Variants in UBR4 observed in about 807,000 individuals in gnomAD.
The protein encoded by UBR4 is E3 ubiquitin-protein ligase UBR4.
A neutral mutation model predicts 575.6 loss-of-function variants in UBR4; 124 were observed. The observed-to-expected ratio is 0.22, with a 90% CI of 0.19 to 0.25. The LOEUF is 0.25. UBR4 is among the 10% of genes least tolerant of loss of function. UBR4 has a pLI of 1.00. For missense variants in UBR4, 4,818 were observed against 6,478.8 expected (o/e 0.74, Z 8.80); for synonymous variants, 2,455 against 2,473.7 (o/e 0.99, Z 0.22).
At position 19,074,822 on chromosome 1, in the gene UBR4, T is replaced by C; in HGVS notation, c.*10A>G. 1 of 1,613,998 alleles carries C rather than the reference T, an allele frequency of 6.2e-7. No homozygotes were observed. The highest frequency in any genetic ancestry group is 8.5e-7 in the Non-Finnish European group (1 of 1,179,988). On this transcript the variant is annotated 3_prime_UTR_variant, in exon 106 of 106. Transcript: ENST00000375254. ...GCTTCGTCTTCGCCGCCGCAGCTGC[T>C]GTGTGGTGGTCAGGGGACTGAGTTC...
intron 9 of UBR4, 74 bp downstream of exon 9, chr1:19,193,359 G>A (rs2151477685): frequency 6.4e-7 from 1 of 1,559,324 alleles, no homozygotes. Context: ...CTTCTATCAT[G>A]GAAGAAAGTG....
intron 64 of UBR4, among the ~76,000 whole-genome samples, chr1:19,124,999 A>G (rs1013201407): frequency 6.6e-6 from 1 of 152,162 alleles, no homozygotes; most frequent in African/African-American, 2.4e-5. Flanking sequence ...AGTGCTAGAA[A>G]GGCCAAAAAA....
intron 92 of UBR4, among the ~76,000 whole-genome samples, chr1:19,096,277 T>C (rs1467094451): frequency 6.6e-6 from 1 of 152,122 alleles, no homozygotes; most frequent in Non-Finnish European, 1.5e-5. Context: ...GTGCAGCTAT[T>C]TGGGGAAAGA....
intron 60 of UBR4, among the ~76,000 whole-genome samples, chr1:19,132,287 T>G (rs1305796870): frequency 6.6e-6 from 1 of 152,012 alleles, no homozygotes; most frequent in African/African-American, 2.4e-5. Flanking sequence ...ATTCAAGTGA[T>G]TCTCCTATCT....
chr1:19,157,742 GTCA>G lies in UBR4; in HGVS notation c.5760+70_5760+72del. The G allele has an allele frequency of 3.2e-6, 5 of 1,550,760 alleles. No individual in the cohort carries two copies. In the South Asian group the frequency reaches 6.1e-5, roughly 19 times the overall value. ...CCCACAGAGGGCTAATCCGAATGTG[GTCA>G]TCAATTTGTTTTGCTTAGCATTTAA... On this transcript the variant is annotated intron_variant, in intron 40 of 105. Coordinates refer to ENST00000375254, the MANE Select transcript of UBR4 (RefSeq NM_020765.3). The surrounding 1 kb of genome is among the most constrained non-coding windows in gnomAD (Gnocchi z 4.4).
At chr1:19,173,389 G>A in intron 23 of UBR4, 50 bp downstream of exon 23, 1 of 1,612,506 alleles carries the variant, frequency 6.2e-7, no homozygotes, top group Non-Finnish European at 8.5e-7. Flanking sequence ...GCTCCAGTAA[G>A]CACAAAGCAC....
chr1:19,114,576 G>C (rs1215454665), intron 75 of UBR4, among the ~76,000 whole-genome samples: 1 of 152,216 alleles, frequency 6.6e-6, no homozygotes, highest in Admixed American at 6.5e-5. Context: ...TCTGTACCTG[G>C]AGATACTCTA....
In UBR4 at chr1:19,106,730, C is replaced by T. The variant is rs1184441101; in HGVS notation, c.12236-4G>A. The T allele has an allele frequency of 1.3e-6, 2 of 1,597,462 alleles. No homozygotes were observed. Among genetic ancestry groups the T allele is most frequent in the East Asian group, 2.2e-5 (1 of 44,708 alleles). Reference sequence around the variant, plus strand: ...GCTTTCCCATTGCCATCTATCCCTGCAAGGCCAAGGGTTGCAGGGGTAGTA... The same window carrying T: ...GCTTTCCCATTGCCATCTATCCCTGTAAGGCCAAGGGTTGCAGGGGTAGTA... On this transcript the variant is annotated splice_region_variant and splice_polypyrimidine_tract_variant and intron_variant, in intron 82 of 105. Transcript: ENST00000375254.
intron 105 of UBR4, 103 bp downstream of exon 105, chr1:19,076,637 T>C (rs2075968600): frequency 1.3e-6 from 2 of 1,508,282 alleles, no homozygotes; most frequent in Non-Finnish European, 1.8e-6. Context: ...TGGTTCATAC[T>C]GCGTTTCCTC....
intron 75 of UBR4, 80 bp downstream of exon 75, chr1:19,114,731 A>C (rs2080295041): frequency 6.5e-7 from 1 of 1,540,838 alleles, no homozygotes; most frequent in Non-Finnish European, 8.8e-7. Flanking sequence ...CTAGAAAGTA[A>C]AGTGCACTGC....
Position 19,081,402 on chromosome 1 carries a change from C to T in UBR4, c.15180G>A (p.Arg5060=), listed in dbSNP as rs1221543037. Residue 5060 remains arginine (R), a synonymous_variant, in exon 103 of 106, where the codon CGG becomes CGA. Transcript: ENST00000375254. The part of the protein sequence containing the change: ...QWRATRVEIL[R]RLLVTSQARA... ...GAGCCTGCGAGGTCACCAACAGCCT[C>T]CGCAAGATTTCCACACGTGTGGCTC... 1.2e-5 allele frequency: 20 copies of T among 1,613,604 alleles called. No individual in the cohort carries two copies. The highest frequency in any genetic ancestry group is 1.7e-5 in the Non-Finnish European group (20 of 1,179,784).
chr1:19,166,874 C>A, intron 29 of UBR4, 148 bp downstream of exon 29: 1 of 882,690 alleles, frequency 1.1e-6, no homozygotes, highest in Non-Finnish European at 1.7e-6. Context: ...CCACCCTGGG[C>A]GACAGAGCGA....
At chr1:19,086,862 C>CA (rs1242160382) in intron 99 of UBR4, 41 bp from the exon 100 acceptor site, 1 of 1,608,288 alleles carries the variant, frequency 6.2e-7, no homozygotes, top group Non-Finnish European at 8.5e-7. Flanking sequence ...GGAGAAACTC[C>CA]AAGTCAGGCT....
Position 19,110,087 on chromosome 1 carries a change from G to C in UBR4, c.12105+9C>G. The C allele has an allele frequency of 6.2e-7, 1 of 1,613,934 alleles. No individual in the cohort carries two copies. The highest frequency in any genetic ancestry group is 1.1e-5 in the South Asian group (1 of 91,080). On this transcript the variant is annotated intron_variant, in intron 81 of 105. Transcript: ENST00000375254. The surrounding 1 kb of genome is among the most constrained non-coding windows in gnomAD (Gnocchi z 4.5). ...CCCTTCCTTGTTAGACCCCTGCTTGGCCCAGTACCTTGTTCTTCTTGCTAG... is the reference window on the plus strand; with the variant it reads ...CCCTTCCTTGTTAGACCCCTGCTTGCCCCAGTACCTTGTTCTTCTTGCTAG...
chr1:19,164,427 C>T lies in UBR4; in HGVS notation c.4526G>A (p.Gly1509Asp), dbSNP rs368218889. 2.5e-6 allele frequency: 4 copies of T among 1,613,616 alleles called. No individual in the cohort carries two copies. The highest frequency in any genetic ancestry group is 1.3e-5 in the African/African-American group (1 of 74,918). ...IVRENSQVGEGVCAVLLGTLT... is the reference protein window; with the variant it reads ...IVRENSQVGEDVCAVLLGTLT... ...GGTGCCCAGAAGAACAGCACACACACCTTCCCCAACTTGGCTAGGAGAAAA... is the reference window on the plus strand; with the variant it reads ...GGTGCCCAGAAGAACAGCACACACATCTTCCCCAACTTGGCTAGGAGAAAA... Residue 1509 changes from glycine (G) to aspartate (D), a missense_variant, in exon 33 of 106, where the codon GGT (glycine) becomes GAT (aspartate). Gly to Asp is a moderately conservative substitution (Grantham distance 94). Coordinates refer to ENST00000375254, the MANE Select transcript of UBR4 (RefSeq NM_020765.3).
chr1:19,084,971 ATGT>A (rs796981236), intron 101 of UBR4, among the ~76,000 whole-genome samples: 7 of 152,290 alleles, frequency 4.6e-5, no homozygotes, highest in African/African-American at 1.7e-4. Context: ...TAATGAACTA[ATGT>A]TGTAGGACAT....
rs965384102 is a variant in UBR4 at position 19,173,758 on chromosome 1, A to C, written c.2983-137T>G. 1.1e-5 allele frequency: 9 copies of C among 809,736 alleles called. No individual in the cohort carries two copies. The South Asian group carries it at 1.5e-4, about 13-fold the overall frequency. The allele number at this position is 809,736 out of a possible 1,614,324, so 50.2% of individuals were successfully genotyped here. A position where few individuals can be genotyped will look rare whatever the true frequency, so the allele number is the denominator to read the frequency against. ...GATTTTAAATTGAGATTTGGCCCCCAAGTCCATTCTCCAGATCTTTCTAGA... is the reference window on the plus strand; with the variant it reads ...GATTTTAAATTGAGATTTGGCCCCCCAGTCCATTCTCCAGATCTTTCTAGA... On this transcript the variant is annotated intron_variant, in intron 22 of 105. Coordinates refer to ENST00000375254, the MANE Select transcript of UBR4 (RefSeq NM_020765.3).
At chr1:19,174,717 T>C (rs2090033334) in intron 21 of UBR4, among the ~76,000 whole-genome samples, 1 of 152,180 alleles carries the variant, frequency 6.6e-6, no homozygotes, top group South Asian at 2.1e-4. Flanking sequence ...TAACAAAGAC[T>C]GTCTTCAAAA....
intron 39 of UBR4, among the ~76,000 whole-genome samples, chr1:19,159,122 G>A (rs1217736343): frequency 2.6e-5 from 4 of 152,170 alleles, no homozygotes; most frequent in African/African-American, 9.7e-5. Flanking sequence ...CTCCAGCCTA[G>A]GTGACAGAGC....
Sources: allele counts gnomAD v4.1 joint callset (sites outside exome capture counted in the v4.1 genomes callset), GRCh38; gene constraint gnomAD v4.1.1; non-coding constraint Gnocchi (gnomAD v3.1); transcripts MANE v1.5; gene names NCBI Gene and HGNC (gene_info 2026-07-23, HGNC 2026-07-21).